Variants in RBFOX1 observed in about 807,000 individuals in gnomAD.
The protein encoded by RBFOX1 is RNA binding fox-1 homolog 1.
RBFOX1 carries 8 observed loss-of-function variants against 57.7 expected under a neutral mutation model. That is an observed-to-expected ratio of 0.14 (90% CI 0.08 to 0.25). RBFOX1 has a LOEUF of 0.25. RBFOX1 is among the 10% of genes least tolerant of loss of function. The probability of loss-of-function intolerance (pLI) is 1.00; values close to 1 mark genes in which losing one functional copy is unlikely to be tolerated. For synonymous variants in RBFOX1, 326 were observed against 222.4 expected, an observed-to-expected ratio of 1.47 and a Z score of -4.15; for missense variants, 611 against 548.5, an observed-to-expected ratio of 1.11 and a Z score of -1.14.
chr16:6,354,999 C>G (rs2087033202), intron 2 of RBFOX1, among the ~76,000 whole-genome samples: 1 of 152,162 alleles, frequency 6.6e-6, no homozygotes, highest in African/African-American at 2.4e-5. Context: ...TTTTCTTCCT[C>G]TGACAGCCCA....
At chr16:7,627,706 A>G (rs1247283116) in intron 10 of RBFOX1, among the ~76,000 whole-genome samples, 1 of 152,130 alleles carries the variant, frequency 6.6e-6, no homozygotes, top group Non-Finnish European at 1.5e-5. Context: ...TCCCTGCCCA[A>G]AAAAATGCAT....
intron 1 of RBFOX1, among the ~76,000 whole-genome samples, chr16:5,332,996 A>G (rs960517694): frequency 6.6e-6 from 1 of 152,046 alleles, no homozygotes; most frequent in African/African-American, 2.4e-5. Context: ...GACCAGCCTG[A>G]CCAATGTGGT....
chr16:6,099,099 C>T (rs1302364709), intron 1 of RBFOX1, among the ~76,000 whole-genome samples: 1 of 152,190 alleles, frequency 6.6e-6, no homozygotes, highest in Non-Finnish European at 1.5e-5. Flanking sequence ...CAGGGGGCGA[C>T]ACATTTTAGA....
At chr16:6,451,537 C>A (rs1013889515) in intron 2 of RBFOX1, among the ~76,000 whole-genome samples, 1 of 152,154 alleles carries the variant, frequency 6.6e-6, no homozygotes, top group African/African-American at 2.4e-5. Flanking sequence ...ACTTCCCCAA[C>A]GTGGGGAAGA....
At chr16:6,619,606 G>C (rs957756222) in intron 2 of RBFOX1, among the ~76,000 whole-genome samples, 1 of 151,244 alleles carries the variant, frequency 6.6e-6, no homozygotes, top group Non-Finnish European at 1.5e-5. Context: ...AAGGGTAGGA[G>C]ACTGCCTTTT....
intron 1 of RBFOX1, among the ~76,000 whole-genome samples, chr16:6,255,133 G>C (rs966613337): frequency 1.3e-5 from 2 of 152,120 alleles, no homozygotes; most frequent in Admixed American, 6.6e-5. Flanking sequence ...AAGAAAGAAA[G>C]TCTGTGGATT....
intron 4 of RBFOX1, among the ~76,000 whole-genome samples, chr16:7,301,063 C>G (rs185628233): frequency 8.5e-5 from 13 of 152,080 alleles, no homozygotes; most frequent in Non-Finnish European, 1.9e-4. Flanking sequence ...TGATATGGCT[C>G]TTTCTCAGTC....
At chr16:6,561,221 T>C (rs985426673) in intron 2 of RBFOX1, among the ~76,000 whole-genome samples, 1 of 152,134 alleles carries the variant, frequency 6.6e-6, no homozygotes, top group Non-Finnish European at 1.5e-5. Context: ...TTCCCTGCTG[T>C]CTACTAGGGA....
At chr16:7,157,788 G>T (rs2077452643) in intron 4 of RBFOX1, among the ~76,000 whole-genome samples, 1 of 152,120 alleles carries the variant, frequency 6.6e-6, no homozygotes, top group South Asian at 2.1e-4. Flanking sequence ...GCAAGAAATT[G>T]GATTTACATG....
chr16:6,968,888 C>G (rs372344041), intron 3 of RBFOX1, among the ~76,000 whole-genome samples: 3 of 151,710 alleles, frequency 2.0e-5, no homozygotes, highest in African/African-American at 7.3e-5. Flanking sequence ...ACTCTTGGCT[C>G]TGTGTCAGGA....
intron 4 of RBFOX1, among the ~76,000 whole-genome samples, chr16:7,264,263 A>G (rs888615439): frequency 1.3e-5 from 2 of 152,228 alleles, no homozygotes; most frequent in Non-Finnish European, 2.9e-5. Context: ...GACAGAAGAA[A>G]AAACAAAATT....
intron 2 of RBFOX1, among the ~76,000 whole-genome samples, chr16:6,383,166 T>A (rs1200464588): frequency 6.6e-6 from 1 of 152,218 alleles, no homozygotes; most frequent in African/African-American, 2.4e-5. Context: ...TTTTGGTAAA[T>A]CTTCCAAGAA....
At chr16:7,457,128 C>A (rs2058686110) in intron 4 of RBFOX1, among the ~76,000 whole-genome samples, 2 of 151,980 alleles carry the variant, frequency 1.3e-5, no homozygotes, top group South Asian at 4.2e-4. Context: ...CTCAGGAGAT[C>A]CGCCTGCCTC....
intron 2 of RBFOX1, among the ~76,000 whole-genome samples, chr16:6,620,043 TC>T (rs1487766560): frequency 1.3e-5 from 2 of 152,200 alleles, no homozygotes; most frequent in African/African-American, 4.8e-5. Flanking sequence ...ATAATCTTAT[TC>T]TTTCTTATGG....
intron 4 of RBFOX1, among the ~76,000 whole-genome samples, chr16:7,267,453 T>A (rs1404172774): frequency 6.6e-6 from 1 of 152,038 alleles, no homozygotes; most frequent in African/African-American, 2.4e-5. Flanking sequence ...AGAGAATCAC[T>A]TGAACCTAGT....
intron 3 of RBFOX1, among the ~76,000 whole-genome samples, chr16:7,044,483 C>G (rs80240336): frequency 2.0e-5 from 3 of 152,150 alleles, no homozygotes; most frequent in Non-Finnish European, 4.4e-5. Context: ...AGATGAATCC[C>G]TGCTATTAAA....
At chr16:5,577,232 T>C (rs1022354775) in intron 2 of RBFOX1, among the ~76,000 whole-genome samples, 2 of 152,158 alleles carry the variant, frequency 1.3e-5, no homozygotes, top group African/African-American at 4.8e-5. Context: ...TTTGCAACGA[T>C]CTAAGAACAA....
chr16:6,368,047 G>T (rs1049975322), intron 2 of RBFOX1, among the ~76,000 whole-genome samples: 2 of 152,008 alleles, frequency 1.3e-5, no homozygotes, highest in African/African-American at 4.8e-5. Flanking sequence ...TACGTGTCTT[G>T]GTCACCCCCT....
intron 1 of RBFOX1, among the ~76,000 whole-genome samples, chr16:6,102,730 C>T (rs1464432354): frequency 6.6e-6 from 1 of 152,138 alleles, no homozygotes; most frequent in Non-Finnish European, 1.5e-5. Context: ...AAGTGTGTTA[C>T]CTTTACCTTG....
Sources: gnomAD v4.1 joint callset for allele counts (sites outside exome capture counted in the v4.1 genomes callset) on GRCh38, gnomAD v4.1.1 for gene constraint, MANE v1.5 for transcripts, NCBI Gene and HGNC (gene_info 2026-07-23, HGNC 2026-07-21) for gene names.